The following LRRC4C variants were observed in gnomAD, a reference collection of about 807,000 sequenced individuals.
LRRC4C encodes the protein leucine-rich repeat-containing protein 4C.
A neutral mutation model predicts 33.6 loss-of-function variants in LRRC4C; 5 were observed. The observed-to-expected ratio is 0.15, with a 90% CI of 0.08 to 0.31. The LOEUF (loss-of-function observed/expected upper bound fraction) is 0.31. LRRC4C is among the 10% of genes least tolerant of loss of function. The pLI is 1.00. For missense variants in LRRC4C, 560 were observed against 796.7 expected, an observed-to-expected ratio of 0.70 and a Z score of 3.58; for synonymous variants, 329 against 302.0, an observed-to-expected ratio of 1.09 and a Z score of -0.93.
intron 3 of LRRC4C, among the ~76,000 whole-genome samples, chr11:40,481,417 A>G (rs1328351046): frequency 6.6e-6 from 1 of 152,146 alleles, no homozygotes; most frequent in Non-Finnish European, 1.5e-5. Context: ...AGCAAATATA[A>G]CACTATTTCA....
At chr11:40,202,625 G>A (rs558075980) in intron 5 of LRRC4C, among the ~76,000 whole-genome samples, 1 of 152,300 alleles carries the variant, frequency 6.6e-6, no homozygotes, top group South Asian at 2.1e-4. Context: ...TTCTAGCTCT[G>A]TAAGGATGAC....
chr11:40,979,698 G>A (rs1346265866), intron 1 of LRRC4C, among the ~76,000 whole-genome samples: 1 of 152,166 alleles, frequency 6.6e-6, no homozygotes, highest in Non-Finnish European at 1.5e-5. Context: ...TGAAATCAAA[G>A]ATAAACGAAA....
chr11:40,933,292 A>T (rs1418125502), intron 2 of LRRC4C, among the ~76,000 whole-genome samples: 1 of 152,230 alleles, frequency 6.6e-6, no homozygotes, highest in Non-Finnish European at 1.5e-5. Flanking sequence ...TGTGTGCCTC[A>T]AGGAGAAATG....
chr11:40,298,452 C>A (rs778278031), intron 4 of LRRC4C, among the ~76,000 whole-genome samples: 2 of 150,452 alleles, frequency 1.3e-5, no homozygotes, highest in Admixed American at 6.7e-5. Flanking sequence ...ATGCATCTCT[C>A]TCTCTCTTCT....
intron 1 of LRRC4C, among the ~76,000 whole-genome samples, chr11:41,304,046 G>C (rs1247565353): frequency 1.4e-5 from 1 of 71,284 alleles, no homozygotes; most frequent in Non-Finnish European, 3.5e-5. Flanking sequence ...GGAGGGAGGT[G>C]GGGGGTCAGC....
intron 1 of LRRC4C, among the ~76,000 whole-genome samples, chr11:41,363,292 C>T (rs1952421215): frequency 6.6e-6 from 1 of 152,144 alleles, no homozygotes; most frequent in Admixed American, 6.5e-5. Context: ...ACAACAAGTA[C>T]AGAAAAACAT....
In LRRC4C at chr11:40,624,152, A is replaced by AC. The variant is rs534812626; in HGVS notation, c.-270+23989dup. Among the ~76,000 whole-genome samples the AC allele has an allele frequency of 1.5e-4, 23 of 152,140 alleles. No individual in the cohort carries two copies. In the South Asian group the frequency reaches 4.6e-3, roughly 30 times the overall value. On this transcript the variant is annotated intron_variant, in intron 3 of 6. Coordinates refer to ENST00000528697, the MANE Select transcript of LRRC4C (RefSeq NM_001258419.2). ...CTATTCTGTTTGGTCAGTGTGTTCC[A>AC]CCCTTGAGCAAAAAGTTAGAAGCAC...
chr11:40,998,552 A>G (rs1182437878), intron 1 of LRRC4C, among the ~76,000 whole-genome samples: 1 of 152,104 alleles, frequency 6.6e-6, no homozygotes, highest in East Asian at 1.9e-4. Context: ...AGACAGGAAA[A>G]TGGATTACAT....
At chr11:41,096,274 C>A (rs908088604) in intron 1 of LRRC4C, among the ~76,000 whole-genome samples, 1 of 152,046 alleles carries the variant, frequency 6.6e-6, no homozygotes, top group Non-Finnish European at 1.5e-5. Context: ...CCAGGCCATG[C>A]AGGTCAAGGA....
intron 1 of LRRC4C, among the ~76,000 whole-genome samples, chr11:40,935,934 A>G (rs1311748600): frequency 6.8e-6 from 1 of 146,988 alleles, no homozygotes; most frequent in Non-Finnish European, 1.5e-5. Flanking sequence ...TCCATCTTTA[A>G]AGGGAGCTGA....
intron 4 of LRRC4C, among the ~76,000 whole-genome samples, chr11:40,295,552 T>C (rs1944467086): frequency 6.6e-6 from 1 of 152,118 alleles, no homozygotes. Flanking sequence ...CAAAATGCTA[T>C]TTTTTTCCTC....
chr11:40,268,038 T>C (rs534851676), intron 4 of LRRC4C, among the ~76,000 whole-genome samples: 7 of 152,182 alleles, frequency 4.6e-5, no homozygotes, highest in Non-Finnish European at 1.0e-4. Flanking sequence ...AAATCAATCT[T>C]TTCTGAGAAT....
chr11:40,150,417 T>C (rs949723236), intron 5 of LRRC4C, among the ~76,000 whole-genome samples: 2 of 152,192 alleles, frequency 1.3e-5, no homozygotes, highest in African/African-American at 4.8e-5. Context: ...GAAAAACTCA[T>C]AGAGAATTTT....
intron 1 of LRRC4C, among the ~76,000 whole-genome samples, chr11:41,253,906 T>A (rs895974346): frequency 6.6e-6 from 1 of 152,068 alleles, no homozygotes; most frequent in Non-Finnish European, 1.5e-5. Flanking sequence ...CACAGGGCCA[T>A]TTTAATTTCC....
chr11:41,277,060 AC>A (rs1172293805), intron 1 of LRRC4C, among the ~76,000 whole-genome samples: 2 of 152,206 alleles, frequency 1.3e-5, no homozygotes, highest in African/African-American at 4.8e-5. Flanking sequence ...GAGAGTAGCA[AC>A]CTTATTCATT....
chr11:40,790,502 C>T (rs1018957689), intron 2 of LRRC4C, among the ~76,000 whole-genome samples: 3 of 152,138 alleles, frequency 2.0e-5, no homozygotes, highest in Admixed American at 2.0e-4. Context: ...GTGTCCGCAC[C>T]ACGGTGGCAT....
At chr11:41,282,986 T>G (rs1007035450) in intron 1 of LRRC4C, among the ~76,000 whole-genome samples, 1 of 152,156 alleles carries the variant, frequency 6.6e-6, no homozygotes, top group South Asian at 2.1e-4. Context: ...TGAATAAAAT[T>G]AGAAAGCACT....
chr11:41,093,393 A>G (rs781053778), intron 1 of LRRC4C, among the ~76,000 whole-genome samples: 3 of 152,228 alleles, frequency 2.0e-5, no homozygotes, highest in Non-Finnish European at 4.4e-5. Flanking sequence ...GAGCCAATTA[A>G]AACACTATCA....
rs747152583 is a variant in LRRC4C, at chr11:40,987,630, GAT to G, written c.-495-53909_-495-53908del. The stretch of plus-strand genomic sequence containing the variant: ...GGCTCTGCAGGTACAAGTGGGTAAT[GAT>G]ATATATATATATATATATATCTCAT... On this transcript the variant is annotated intron_variant, in intron 1 of 6. Transcript: ENST00000528697. Among the ~76,000 whole-genome samples the G allele has an allele frequency of 5.8e-4, 51 of 88,560 alleles. 1 individual carries two copies. Among genetic ancestry groups the G allele is most frequent in the Non-Finnish European group, 8.0e-4 (35 of 43,812 alleles). The allele number at this position is 88,560 out of a possible 152,430, so 58.1% of individuals were successfully genotyped here.
Sources: gnomAD v4.1 joint callset for allele counts (sites outside exome capture counted in the v4.1 genomes callset) on GRCh38, gnomAD v4.1.1 for gene constraint, MANE v1.5 for transcripts, NCBI Gene and HGNC (gene_info 2026-07-23, HGNC 2026-07-21) for gene names.